Variants in MYLK3 observed in about 807,000 individuals in gnomAD.
MYLK3 encodes the protein MLC kinase.
MYLK3 carries 55 observed loss-of-function variants against 76.3 expected under a neutral mutation model. That is an observed-to-expected ratio of 0.72 (90% CI 0.58 to 0.90). The LOEUF is 0.90. Ranked by LOEUF, MYLK3 falls within the 40% of genes least tolerant of loss-of-function variation. The pLI, the probability that MYLK3 is intolerant of heterozygous loss-of-function variation, is 0.00. For synonymous variants in MYLK3, 416 were observed against 425.4 expected (o/e 0.98, Z 0.27); for missense variants, 973 against 1,053.6 (o/e 0.92, Z 1.06).
At chr16:46,738,925 C>T (rs1210352769) in intron 2 of MYLK3, among the ~76,000 whole-genome samples, 1 of 152,176 alleles carries the variant, frequency 6.6e-6, no homozygotes, top group Non-Finnish European at 1.5e-5. Context: ...ACTGCAACCT[C>T]CACCTCCCTG....
chr16:46,750,425 G>A (rs1042185199), upstream of MYLK3, among the ~76,000 whole-genome samples: 7 of 152,380 alleles, frequency 4.6e-5, no homozygotes, highest in South Asian at 2.1e-4. Context: ...GCCGGGTGCA[G>A]TGGCTCACGC....
rs1966591911 is a variant in MYLK3, at chr16:46,703,052, T to TA, written c.*4651dup. Among the ~76,000 whole-genome samples the TA allele has an allele frequency of 6.6e-6, 1 of 152,018 alleles. No individual in the cohort carries two copies. Among genetic ancestry groups the TA allele is most frequent in the Admixed American group, 6.6e-5 (1 of 15,260 alleles). Reference sequence around the variant, plus strand: ...TCACCCACTTTTCACACTCCACTGTTAAGTTTCTTGCATATCCTACGGTTT... The same window carrying TA: ...TCACCCACTTTTCACACTCCACTGTTAAAGTTTCTTGCATATCCTACGGTTT... On this transcript the variant is annotated 3_prime_UTR_variant, in exon 13 of 13. Coordinates refer to ENST00000394809, the MANE Select transcript of MYLK3 (RefSeq NM_182493.3).
At chr16:46,716,495 ATATGTGTGTGTGTGTGTGTG>A (rs1290190300) in intron 9 of MYLK3, among the ~76,000 whole-genome samples, 3 of 145,088 alleles carry the variant, frequency 2.1e-5, no homozygotes, top group South Asian at 2.2e-4. Flanking sequence ...ATGTGTATAT[ATATGTGTGTGTGTGTGTGTG>A]TGTGTGTGTG....
chr16:46,729,027 T>A lies in MYLK3; in HGVS notation c.1769A>T (p.Glu590Val). Residue 590 changes from glutamate to valine, a missense_variant, in exon 7 of 13, where the codon GAG becomes GTG. Coordinates refer to ENST00000394809, the MANE Select transcript of MYLK3 (RefSeq NM_182493.3). ...CCGCCCCGCCTCTGATACTCACTAC[T>A]CCATGACAAGGGTGCAGCTGTGCTT... ...ESKHSCTLVM[E>V]YVDGGELFDR... The A allele has an allele frequency of 3.1e-6, 5 of 1,613,390 alleles. No individual in the cohort carries two copies. Among genetic ancestry groups the A allele is most frequent in the Non-Finnish European group, 4.2e-6 (5 of 1,179,330 alleles).
Position 46,730,649 on chromosome 16 carries a change from G to A in MYLK3, c.1512C>T (p.Val504=). The A allele has an allele frequency of 6.2e-7, 1 of 1,614,036 alleles. No homozygotes were observed. The highest frequency in any genetic ancestry group is 8.5e-7 in the Non-Finnish European group (1 of 1,180,016). The change falls in exon 5 of 13, where the codon GTC becomes GTT. Residue 504 remains valine (V), a synonymous_variant. Transcript: ENST00000394809. The part of the protein sequence containing the change: ...PAPFEHRVVS[V]KETSISAGYE... ...AACCCGCAGAGATGGAGGTCTCCTT[G>A]ACGCTCACTACCCGGTGTTCAAAAG...
At chr16:46,734,777 T>C (rs780715772) in intron 3 of MYLK3, among the ~76,000 whole-genome samples, 3 of 152,166 alleles carry the variant, frequency 2.0e-5, no homozygotes, top group African/African-American at 4.8e-5. Context: ...TTTTGCTAGA[T>C]GGAAACGTCC....
In MYLK3 at chr16:46,727,237, T is replaced by C. The variant is rs749635337; in HGVS notation, c.1913A>G (p.Lys638Arg). 1 of 1,613,626 alleles carries C rather than the reference T, an allele frequency of 6.2e-7. No individual in the cohort carries two copies. The highest frequency in any genetic ancestry group is 1.1e-5 in the South Asian group (1 of 91,060). ...HQHYILHLDLKPENILCVNQT... is the reference protein window; with the variant it reads ...HQHYILHLDLRPENILCVNQT... Reference sequence around the variant, plus strand: ...CCGCATGCCCAGGGCAGAACCCACCTTGAGGTCCAGGTGCAGGATGTAGTG... The same window carrying C: ...CCGCATGCCCAGGGCAGAACCCACCCTGAGGTCCAGGTGCAGGATGTAGTG... Residue 638 changes from lysine (K) to arginine (R), a missense_variant and splice_region_variant, in exon 8 of 13, where the codon AAG becomes AGG. Transcript: ENST00000394809.
At chr16:46,732,082 G>A (rs745487838) in intron 4 of MYLK3, 126 bp downstream of exon 4, 9 of 802,894 alleles carry the variant, frequency 1.1e-5, no homozygotes, top group Admixed American at 3.0e-5. Flanking sequence ...AGATGTTCCC[G>A]ACTCTTGGAC....
In MYLK3 at chr16:46,707,761, T is replaced by C. The variant is rs774675267; in HGVS notation, c.2403A>G (p.Lys801=). The C allele has an allele frequency of 1.2e-6, 2 of 1,610,970 alleles. No homozygotes were observed. Among genetic ancestry groups the C allele is most frequent in the Non-Finnish European group, 1.7e-6 (2 of 1,177,442 alleles). The stretch of plus-strand genomic sequence containing the variant: ...TGGCAGCAGTCACCACATAGAAATG[T>C]TTCTTGAGGCAAGGAGAGAATAAAA... ...QKYIAQRKWK[K]HFYVVTAANR... Residue 801 remains lysine (K), a splice_region_variant and synonymous_variant, in exon 13 of 13, where the codon AAA becomes AAG. Transcript: ENST00000394809.
rs1966592375 is a variant in MYLK3 at position 46,703,074 on chromosome 16, G to GT, written c.*4629dup. On this transcript the variant is annotated 3_prime_UTR_variant, in exon 13 of 13. Coordinates refer to ENST00000394809, the MANE Select transcript of MYLK3 (RefSeq NM_182493.3). ...TGTTAAGTTTCTTGCATATCCTACG[G>GT]TTTTTTAATGCACATATAAGCATAT... Among the ~76,000 whole-genome samples, 1 of 151,836 alleles carries GT rather than the reference G, an allele frequency of 6.6e-6. No homozygotes were observed. The highest frequency in any genetic ancestry group is 1.5e-5 in the Non-Finnish European group (1 of 67,996).
intron 9 of MYLK3, among the ~76,000 whole-genome samples, chr16:46,719,328 A>G (rs1415392935): frequency 6.8e-6 from 1 of 146,308 alleles, no homozygotes; most frequent in Admixed American, 6.8e-5. Flanking sequence ...CTCGGTCTCA[A>G]AAAAAAAAAA....
chr16:46,726,980 A>G (rs1966844012), intron 8 of MYLK3: 2 of 346,284 alleles, frequency 5.8e-6, no homozygotes, highest in Non-Finnish European at 1.0e-5. Flanking sequence ...GTAATCTTAA[A>G]GATATTTTTA....
In MYLK3 at chr16:46,732,652, G is replaced by C; in HGVS notation, c.1018C>G (p.Gln340Glu). 2 of 1,523,174 alleles carry C rather than the reference G, an allele frequency of 1.3e-6. No individual in the cohort carries two copies. The highest frequency in any genetic ancestry group is 1.8e-6 in the Non-Finnish European group (2 of 1,142,282). 94.4% of individuals were successfully genotyped at this position (1,523,174 alleles called of 1,614,324 possible). ...ETPPRISIHI[Q>E]EMDTPGEMLM... is the part of the protein sequence containing the mutation. ...ATCTCCCCAGGAGTATCCATCTCTT[G>C]TATGTGGATGGAGATCCTGGGGTGG... The change falls in exon 4 of 13, where the codon CAA becomes GAA. Residue 340 changes from glutamine (Q) to glutamate (E), a missense_variant. By Grantham distance (29) the Gln-to-Glu change is conservative. Transcript: ENST00000394809.
chr16:46,748,411 T>C (rs1485172951), upstream of MYLK3: 2 of 837,854 alleles, frequency 2.4e-6, no homozygotes, highest in Non-Finnish European at 3.5e-6. This position sits in a 1 kb window ranked among gnomAD's most constrained non-coding sequence, Gnocchi z 4.3. Context: ...TACACGGGCC[T>C]GTGAGTGACA....
chr16:46,719,239 A>G (rs926122293), intron 9 of MYLK3, among the ~76,000 whole-genome samples: 1 of 151,656 alleles, frequency 6.6e-6, no homozygotes, highest in African/African-American at 2.4e-5. Flanking sequence ...AGGCAGGAGA[A>G]TTGCTTGAAT....
In MYLK3 at chr16:46,710,556, T is replaced by C; in HGVS notation, c.2267+81A>G. The C allele has an allele frequency of 3.3e-6, 5 of 1,507,748 alleles. No homozygotes were observed. The South Asian group carries it at 5.9e-5, about 18-fold the overall frequency. The allele number at this position is 1,507,748 out of a possible 1,614,324, so 93.4% of individuals were successfully genotyped here. A position where few individuals can be genotyped will look rare whatever the true frequency, so the allele number is the denominator to read the frequency against. Reference sequence around the variant, plus strand: ...AATTTGTCCACAGGAAGAAGGACCTTCACGGTCAGCAGTCCTGCCCAGCTC... The same window carrying C: ...AATTTGTCCACAGGAAGAAGGACCTCCACGGTCAGCAGTCCTGCCCAGCTC... On this transcript the variant is annotated intron_variant, in intron 11 of 12. Coordinates refer to ENST00000394809, the MANE Select transcript of MYLK3 (RefSeq NM_182493.3).
At chr16:46,712,556 C>G in intron 10 of MYLK3, 92 bp downstream of exon 10, 6 of 1,261,614 alleles carry the variant, frequency 4.8e-6, no homozygotes, top group Non-Finnish European at 6.2e-6. Flanking sequence ...CCCAAATAGA[C>G]TACTTGTGCT....
At chr16:46,734,095 G>A (rs912156936) in intron 3 of MYLK3, among the ~76,000 whole-genome samples, 3 of 152,182 alleles carry the variant, frequency 2.0e-5, no homozygotes, top group Non-Finnish European at 4.4e-5. Flanking sequence ...GTCTCCAAGA[G>A]ACATCTGTAC....
chr16:46,746,998 G>A (rs1392473215), intron 1 of MYLK3, among the ~76,000 whole-genome samples: 1 of 152,152 alleles, frequency 6.6e-6, no homozygotes, highest in Non-Finnish European at 1.5e-5. Context: ...GTCACTGCAG[G>A]GGTCTGAAAT....
Sources: gnomAD v4.1 joint callset for allele counts (sites outside exome capture counted in the v4.1 genomes callset) on GRCh38, gnomAD v4.1.1 for gene constraint, Gnocchi (gnomAD v3.1) non-coding constraint, MANE v1.5 for transcripts, NCBI Gene and HGNC (gene_info 2026-07-23, HGNC 2026-07-21) for gene names.